NRCAM: variants seen among roughly 807,000 people sequenced by gnomAD.
NRCAM encodes NgCAM-related cell adhesion molecule.
NRCAM carries 83 observed loss-of-function variants against 156.5 expected under a neutral mutation model. The observed-to-expected ratio is 0.53, with a 90% CI of 0.44 to 0.64. The LOEUF (loss-of-function observed/expected upper bound fraction) is 0.64. Ranked by LOEUF, NRCAM falls within the 30% of genes least tolerant of loss-of-function variation. NRCAM has a pLI of 0.00. For synonymous variants in NRCAM, 538 were observed against 563.9 expected (o/e 0.95, Z 0.65); for missense variants, 1,417 against 1,597.3 (o/e 0.89, Z 1.92).
chr7:108,449,822 C>T (rs978683646), intron 1 of NRCAM, among the ~76,000 whole-genome samples: 7 of 152,056 alleles, frequency 4.6e-5, no homozygotes, highest in African/African-American at 1.7e-4. Context: ...TCTCAGCCCA[C>T]TTGAGAAAGA....
At chr7:108,153,873 T>C (rs563800102) in intron 32 of NRCAM, among the ~76,000 whole-genome samples, 1 of 152,040 alleles carries the variant, frequency 6.6e-6, no homozygotes, top group Non-Finnish European at 1.5e-5. Flanking sequence ...AACAAAAATA[T>C]GTGTAAGACC....
chr7:108,223,998 A>G (rs747254660), intron 10 of NRCAM, among the ~76,000 whole-genome samples, 162 bp from the exon 11 acceptor site: 4 of 152,222 alleles, frequency 2.6e-5, no homozygotes, highest in Non-Finnish European at 5.9e-5. Flanking sequence ...TCTCTGCGTT[A>G]TAAGTAGTCA....
intron 2 of NRCAM, among the ~76,000 whole-genome samples, chr7:108,392,650 T>A (rs1344502828): frequency 6.6e-6 from 1 of 152,234 alleles, no homozygotes; most frequent in Non-Finnish European, 1.5e-5. Flanking sequence ...GTGCTCTGAT[T>A]TGTAGAATTT....
chr7:108,342,076 C>T (rs1292289609), intron 2 of NRCAM, among the ~76,000 whole-genome samples: 1 of 152,190 alleles, frequency 6.6e-6, no homozygotes, highest in African/African-American at 2.4e-5. Flanking sequence ...CTGTTTTACC[C>T]CAAGGGTTCA....
chr7:108,339,237 C>T (rs1009657692), intron 2 of NRCAM, among the ~76,000 whole-genome samples: 38 of 152,126 alleles, frequency 2.5e-4, no homozygotes, highest in African/African-American at 1.7e-4. Context: ...GATGGTTCCT[C>T]CCAGGTGAAT....
At chr7:108,184,335 G>A in intron 21 of NRCAM, 24 bp from the exon 22 acceptor site, 1 of 1,613,668 alleles carries the variant, frequency 6.2e-7, no homozygotes, top group Non-Finnish European at 8.5e-7. Flanking sequence ...AGCCACACAT[G>A]TGTAAGCTTT....
chr7:108,300,485 T>C lies in NRCAM; in HGVS notation c.-107+12180A>G, dbSNP rs112122601. ...AACAAACAGAGAAGCAAAAGAGAAA[T>C]GCATCCCTGGGTAAGTTGAGATCCT... On this transcript the variant is annotated intron_variant, in intron 3 of 32. Transcript: ENST00000379028. Among the ~76,000 whole-genome samples, 99 of 152,210 alleles carry C rather than the reference T, an allele frequency of 6.5e-4. 1 individual carries two copies. Among genetic ancestry groups the C allele is most frequent in the African/African-American group, 2.4e-3 (98 of 41,520 alleles).
At chr7:108,428,937 CTTTT>C (rs1820978238) in intron 1 of NRCAM, among the ~76,000 whole-genome samples, 2 of 2,720 alleles carry the variant, frequency 7.4e-4, no homozygotes, top group Non-Finnish European at 5.2e-3. Flanking sequence ...CTAAAATTTT[CTTTT>C]CTTTTCTTCT....
chr7:108,404,476 G>T (rs2099801884), intron 1 of NRCAM, among the ~76,000 whole-genome samples: 2 of 152,102 alleles, frequency 1.3e-5, no homozygotes, highest in Admixed American at 1.3e-4. Context: ...GCATTTTACA[G>T]ATTTAAAAAG....
At chr7:108,344,094 G>C (rs531509108) in intron 2 of NRCAM, among the ~76,000 whole-genome samples, 1 of 152,256 alleles carries the variant, frequency 6.6e-6, no homozygotes, top group African/African-American at 2.4e-5. Context: ...CCCCAATTCA[G>C]CAGGAAGCAG....
At chr7:108,150,808 T>C in intron 32 of NRCAM, 1 of 461,526 alleles carries the variant, frequency 2.2e-6, no homozygotes, top group Non-Finnish European at 4.4e-6. Flanking sequence ...TTTTTGTTTT[T>C]TTGGTAAAAA....
At chr7:108,378,181 AT>A in intron 2 of NRCAM, among the ~76,000 whole-genome samples, 1 of 152,192 alleles carries the variant, frequency 6.6e-6, no homozygotes. Context: ...GAATACTAAA[AT>A]CAAAATATAA....
At chr7:108,234,913 A>G in intron 5 of NRCAM, 2 of 683,708 alleles carry the variant, frequency 2.9e-6, no homozygotes, top group Admixed American at 1.9e-5. Context: ...GTGTACTTGC[A>G]AAGTCCATTT....
chr7:108,313,622 TAAAATATTCCCTGCATTAAGTTGCAAAA>T (rs1592924370), intron 2 of NRCAM, among the ~76,000 whole-genome samples: 1 of 152,312 alleles, frequency 6.6e-6, no homozygotes, highest in East Asian at 1.9e-4. Flanking sequence ...GTATGTGTTA[TAAAATATTCCCTGCATTAAGTTGCAAAA>T]AATGTTAATT....
intron 20 of NRCAM, among the ~76,000 whole-genome samples, chr7:108,189,049 A>G (rs1334104419): frequency 2.2e-5 from 2 of 89,598 alleles, no homozygotes; most frequent in Non-Finnish European, 5.3e-5. Flanking sequence ...TAGTATCCTT[A>G]TGACATTGTC....
In NRCAM at chr7:108,265,715, T is replaced by G. The variant is rs2097078963; in HGVS notation, c.-106-25545A>C. ...CAGGAGTTCTCTGAGATAGGTATTA[T>G]TAACATATAATGGTTTGTTAATACA... On this transcript the variant is annotated intron_variant, in intron 3 of 32. Transcript: ENST00000379028. Among the ~76,000 whole-genome samples, 3 of 152,368 alleles carry G rather than the reference T, an allele frequency of 2.0e-5. No homozygotes were observed. In the South Asian group the frequency reaches 6.2e-4, roughly 32 times the overall value.
chr7:108,371,124 T>G (rs971507224), intron 2 of NRCAM, among the ~76,000 whole-genome samples: 8 of 152,182 alleles, frequency 5.3e-5, no homozygotes, highest in African/African-American at 1.7e-4. Context: ...TCAGATTTCC[T>G]TCTTTTTACA....
At position 108,209,554 on chromosome 7, in the gene NRCAM, GT is replaced by G; in HGVS notation, c.941del (p.Asn314ThrfsTer28). On this transcript the variant is annotated frameshift_variant, in exon 12 of 33. Transcript: ENST00000379028. LOFTEE classifies it high-confidence loss of function. ...TCTCAAAGTTCTTATAAACTGTCCT[GT>G]TTTTGGGTAGCATTCCATCTTCCTT... ...WAKEDGMLPK[N>X]RTVYKNFEKT... 4 of 1,611,836 alleles carry G rather than the reference GT, an allele frequency of 2.5e-6. No individual in the cohort carries two copies. The highest frequency in any genetic ancestry group is 2.2e-5 in the South Asian group (2 of 90,542).
At chr7:108,249,625 T>TA (rs1223820126) in intron 3 of NRCAM, among the ~76,000 whole-genome samples, 1 of 152,202 alleles carries the variant, frequency 6.6e-6, no homozygotes, top group East Asian at 1.9e-4. Context: ...TCTTGGAAGT[T>TA]AAATATTAAC....
Sources: gnomAD v4.1 joint callset for allele counts (sites outside exome capture counted in the v4.1 genomes callset) on GRCh38, gnomAD v4.1.1 for gene constraint, MANE v1.5 for transcripts, NCBI Gene and HGNC (gene_info 2026-07-23, HGNC 2026-07-21) for gene names.